The following NCEH1 variants were observed in gnomAD, a reference collection of about 807,000 sequenced individuals.
The protein encoded by NCEH1 is neutral cholesterol ester hydrolase 1.
In NCEH1, 9 loss-of-function variants were observed where a neutral mutation model predicts 25.4. The ratio of observed to expected loss-of-function variants is 0.35; its 90% CI spans 0.21 to 0.62. NCEH1 has a LOEUF of 0.62. Ranked by LOEUF, NCEH1 falls within the 20% of genes least tolerant of loss-of-function variation. The pLI, the probability that NCEH1 is intolerant of heterozygous loss-of-function variation, is 0.72. For synonymous variants in NCEH1, 200 were observed against 199.8 expected, an observed-to-expected ratio of 1.00 and a Z score of -0.01; for missense variants, 412 against 501.1, an observed-to-expected ratio of 0.82 and a Z score of 1.70.
chr3:172,707,152 A>G (rs1012417203), intron 1 of NCEH1, among the ~76,000 whole-genome samples: 3 of 152,140 alleles, frequency 2.0e-5, no homozygotes, highest in Non-Finnish European at 4.4e-5. Context: ...TTTAACCTGC[A>G]CTGAGATTAC....
At chr3:172,672,132 A>G (rs1226448230) in intron 1 of NCEH1, among the ~76,000 whole-genome samples, 1 of 152,152 alleles carries the variant, frequency 6.6e-6, no homozygotes, top group African/African-American at 2.4e-5. Flanking sequence ...TACCTTTTCT[A>G]TGTTTAGATA....
chr3:172,663,000 C>A (rs577134076), intron 1 of NCEH1, among the ~76,000 whole-genome samples: 1 of 152,290 alleles, frequency 6.6e-6, no homozygotes, highest in African/African-American at 2.4e-5. Flanking sequence ...TTGCCTTCTG[C>A]TAGCTTTTGA....
chr3:172,671,528 C>CACACACACACACAT (rs145129202), intron 1 of NCEH1, among the ~76,000 whole-genome samples: 1,557 of 137,094 alleles, frequency 0.011, 15 homozygotes, highest in South Asian at 0.022. Flanking sequence ...CACACACACA[C>CACACACACACACAT]ATATATAGAT....
At chr3:172,691,964 A>G (rs1466955477) in intron 1 of NCEH1, among the ~76,000 whole-genome samples, 4 of 48,856 alleles carry the variant, frequency 8.2e-5, no homozygotes, top group South Asian at 6.0e-4. Context: ...AAAAAAAAAA[A>G]AAAAGAAAGA....
chr3:172,657,761 T>A (rs189376077), intron 1 of NCEH1, among the ~76,000 whole-genome samples: 147 of 152,316 alleles, frequency 9.7e-4, no homozygotes, highest in Non-Finnish European at 1.7e-3. Flanking sequence ...CCACTCTACA[T>A]TGGAACCTCA....
At chr3:172,642,953 T>G (rs1716930659) in intron 3 of NCEH1, among the ~76,000 whole-genome samples, 1 of 151,618 alleles carries the variant, frequency 6.6e-6, no homozygotes, top group South Asian at 2.1e-4. Flanking sequence ...TTGTTTGTTT[T>G]TTGAGACAGA....
chr3:172,689,817 T>C (rs1259123651), intron 1 of NCEH1, among the ~76,000 whole-genome samples: 1 of 151,862 alleles, frequency 6.6e-6, no homozygotes, highest in Non-Finnish European at 1.5e-5. Context: ...TATAATCTCT[T>C]TGTAGCCACT....
At chr3:172,640,742 C>T (rs534656395) in intron 3 of NCEH1, among the ~76,000 whole-genome samples, 1 of 152,252 alleles carries the variant, frequency 6.6e-6, no homozygotes, top group African/African-American at 2.4e-5. Context: ...CTCCTGACCT[C>T]GTGATCCGCT....
At chr3:172,705,917 G>A (rs954181505) in intron 1 of NCEH1, among the ~76,000 whole-genome samples, 4 of 145,934 alleles carry the variant, frequency 2.7e-5, no homozygotes, top group African/African-American at 1.0e-4. Flanking sequence ...AGAATCACTT[G>A]AAACCAGGAG....
In NCEH1 at chr3:172,706,007, A is replaced by C. The variant is rs1433768829; in HGVS notation, c.138+4840T>G. Among the ~76,000 whole-genome samples, 23 of 86,688 alleles carry C rather than the reference A, an allele frequency of 2.7e-4. No homozygotes were observed. In the East Asian group the frequency reaches 4.4e-3, roughly 17 times the overall value. The allele number at this position is 86,688 out of a possible 152,430, so 56.9% of individuals were successfully genotyped here. On this transcript the variant is annotated intron_variant, in intron 1 of 4. Transcript: ENST00000475381. ...AGTGAGACTCCATCTCAACAACAAC[A>C]ACCAAAAAAAAAAAAAAAAAAAAAA...
intron 1 of NCEH1, chr3:172,681,172 G>A (rs1712355063): frequency 6.6e-6 from 1 of 151,914 alleles, no homozygotes; most frequent in Non-Finnish European, 1.5e-5. Flanking sequence ...TGGAAGTGGA[G>A]TGACACGGTG....
intron 3 of NCEH1, among the ~76,000 whole-genome samples, chr3:172,641,028 G>A (rs573934263): frequency 7.2e-5 from 11 of 152,132 alleles, no homozygotes; most frequent in Admixed American, 7.2e-4. Flanking sequence ...GAAGGAATGT[G>A]GATGGATGAC....
intron 1 of NCEH1, among the ~76,000 whole-genome samples, chr3:172,698,168 G>T (rs767599960): frequency 1.3e-5 from 2 of 151,870 alleles, no homozygotes; most frequent in African/African-American, 2.4e-5. Context: ...GTAGAGATGG[G>T]GTTTCACCGT....
Position 172,633,257 on chromosome 3 carries a change from C to T in NCEH1, c.*218G>A. 1.8e-6 allele frequency: 1 copy of T among 546,786 alleles called. No individual in the cohort carries two copies. The highest frequency in any genetic ancestry group is 3.3e-6 in the Non-Finnish European group (1 of 307,292). 33.9% of individuals were successfully genotyped at this position (546,786 alleles called of 1,614,324 possible). On this transcript the variant is annotated 3_prime_UTR_variant, in exon 5 of 5. Transcript: ENST00000475381. Reference sequence around the variant, plus strand: ...GATAACAAGAACAGAGAGATTGGCCCACTCTGGGAACCAAATTTACATGTT... The same window carrying T: ...GATAACAAGAACAGAGAGATTGGCCTACTCTGGGAACCAAATTTACATGTT...
chr3:172,653,892 G>A (rs1048833295), intron 1 of NCEH1, among the ~76,000 whole-genome samples: 57 of 151,926 alleles, frequency 3.8e-4, no homozygotes, highest in African/African-American at 1.4e-3. Flanking sequence ...GAGTAGCTGG[G>A]ATTACAGGCA....
intron 1 of NCEH1, among the ~76,000 whole-genome samples, chr3:172,675,878 T>C (rs1468507517): frequency 6.6e-6 from 1 of 152,226 alleles, no homozygotes; most frequent in Non-Finnish European, 1.5e-5. Context: ...CTGATGGTGG[T>C]AATCTTAATG....
chr3:172,705,905 C>T lies in NCEH1; in HGVS notation c.138+4942G>A, dbSNP rs373299304. On this transcript the variant is annotated intron_variant, in intron 1 of 4. Transcript: ENST00000475381. Reference sequence around the variant, plus strand: ...CCCAGCTACTCAGGAGGCTGAGGCACGAGAATCACTTGAAACCAGGAGGTG... The same window carrying T: ...CCCAGCTACTCAGGAGGCTGAGGCATGAGAATCACTTGAAACCAGGAGGTG... 9.3e-5 allele frequency among the ~76,000 whole-genome samples: 14 copies of T among 149,874 alleles called. No homozygotes were observed. The South Asian group carries it at 2.1e-3, about 22-fold the overall frequency.
At chr3:172,688,012 T>C (rs1457640464) in intron 1 of NCEH1, among the ~76,000 whole-genome samples, 4 of 152,220 alleles carry the variant, frequency 2.6e-5, no homozygotes, top group South Asian at 4.1e-4. Flanking sequence ...TGTTAATGCA[T>C]AGAAACAGTT....
At chr3:172,689,754 T>A (rs1341258398) in intron 1 of NCEH1, among the ~76,000 whole-genome samples, 1 of 151,286 alleles carries the variant, frequency 6.6e-6, no homozygotes, top group African/African-American at 2.4e-5. Flanking sequence ...TGTATTTCCC[T>A]TCTCAGGGTA....
Sources: gnomAD v4.1 joint callset for allele counts (sites outside exome capture counted in the v4.1 genomes callset) on GRCh38, gnomAD v4.1.1 for gene constraint, MANE v1.5 for transcripts, NCBI Gene and HGNC (gene_info 2026-07-23, HGNC 2026-07-21) for gene names.